The following ME1 variants were observed in gnomAD, a reference collection of about 807,000 sequenced individuals.
ME1 encodes the protein malic enzyme 1, also known as NADP-dependent malic enzyme.
ME1 carries 74 observed loss-of-function variants against 66.4 expected under a neutral mutation model. The ratio of observed to expected loss-of-function variants is 1.11; its 90% confidence interval spans 0.92 to 1.35. ME1 has a LOEUF of 1.35. Ranked by LOEUF, ME1 falls within the 40% of genes most tolerant of loss-of-function variation. The probability of loss-of-function intolerance (pLI) is 0.00; values close to 1 mark genes in which losing one functional copy is unlikely to be tolerated. For missense variants in ME1, 750 were observed against 694.1 expected, an observed-to-expected ratio of 1.08 and a Z score of -0.90; for synonymous variants, 251 against 235.6, an observed-to-expected ratio of 1.07 and a Z score of -0.60.
intron 3 of ME1, among the ~76,000 whole-genome samples, chr6:83,380,882 G>A (rs1769382459): frequency 6.6e-6 from 1 of 152,080 alleles, no homozygotes; most frequent in African/African-American, 2.4e-5. Flanking sequence ...ACCTTGGCAA[G>A]AACCAACATT....
At chr6:83,317,171 TG>T (rs1768052100) in intron 5 of ME1, among the ~76,000 whole-genome samples, 1 of 152,194 alleles carries the variant, frequency 6.6e-6, no homozygotes, top group Non-Finnish European at 1.5e-5. Flanking sequence ...CAGGACTTGC[TG>T]GTAAAAGATG....
intron 6 of ME1, among the ~76,000 whole-genome samples, chr6:83,274,536 T>C (rs1174544617): frequency 6.6e-6 from 1 of 152,252 alleles, no homozygotes; most frequent in Non-Finnish European, 1.5e-5. Flanking sequence ...TCAGTTCTTC[T>C]ATTTAGTATC....
intron 6 of ME1, among the ~76,000 whole-genome samples, chr6:83,273,468 C>T (rs753837519): frequency 1.3e-5 from 2 of 152,022 alleles, no homozygotes; most frequent in Non-Finnish European, 2.9e-5. Flanking sequence ...TTAAAAGGTT[C>T]TAAAACAATC....
chr6:83,227,202 G>C (rs980883970), intron 11 of ME1, 133 bp downstream of exon 11: 2 of 467,574 alleles, frequency 4.3e-6, no homozygotes, highest in Non-Finnish European at 7.1e-6. Flanking sequence ...TTATCCCTCT[G>C]ATTTGTGTGC....
At chr6:83,430,040 T>C (rs1439226559) in intron 1 of ME1, among the ~76,000 whole-genome samples, 1 of 152,140 alleles carries the variant, frequency 6.6e-6, no homozygotes, top group African/African-American at 2.4e-5. Context: ...CGAGTGCTTA[T>C]ATTGCATCAC....
At chr6:83,349,908 A>T (rs1165414692) in intron 4 of ME1, among the ~76,000 whole-genome samples, 1 of 152,178 alleles carries the variant, frequency 6.6e-6, no homozygotes, top group African/African-American at 2.4e-5. Context: ...TGATATCTAC[A>T]TTCACCTGTT....
At chr6:83,417,189 A>C (rs944557751) in intron 1 of ME1, among the ~76,000 whole-genome samples, 5 of 152,052 alleles carry the variant, frequency 3.3e-5, no homozygotes, top group African/African-American at 1.2e-4. Context: ...AGCTGGAACT[A>C]TACGCATACA....
chr6:83,227,914 A>C (rs1407115060), intron 10 of ME1, among the ~76,000 whole-genome samples: 4 of 152,242 alleles, frequency 2.6e-5, no homozygotes, highest in Non-Finnish European at 4.4e-5. Flanking sequence ...CACCCACTGA[A>C]GTAACTTTAA....
chr6:83,388,234 G>A (rs572871344), intron 3 of ME1, among the ~76,000 whole-genome samples: 10 of 151,732 alleles, frequency 6.6e-5, no homozygotes, highest in Admixed American at 5.3e-4. Context: ...ACTATAGCAC[G>A]CACCACCACA....
chr6:83,327,263 A>C (rs985325090), intron 5 of ME1, among the ~76,000 whole-genome samples: 1 of 152,208 alleles, frequency 6.6e-6, no homozygotes, highest in Non-Finnish European at 1.5e-5. Flanking sequence ...ACCTTGAAAA[A>C]AGAACAGGAT....
At chr6:83,328,397 G>A (rs1358027733) in intron 5 of ME1, among the ~76,000 whole-genome samples, 1 of 151,992 alleles carries the variant, frequency 6.6e-6, no homozygotes, top group African/African-American at 2.4e-5. Context: ...AAACCACCAT[G>A]GCACATGTAT....
chr6:83,329,732 T>G (rs1383398145), intron 5 of ME1, among the ~76,000 whole-genome samples: 2 of 152,230 alleles, frequency 1.3e-5, no homozygotes, highest in African/African-American at 4.8e-5. Context: ...TTGTAAATTA[T>G]CTGTGTCCAT....
intron 1 of ME1, among the ~76,000 whole-genome samples, chr6:83,417,813 AT>A (rs1396129129): frequency 6.6e-6 from 1 of 152,260 alleles, no homozygotes; most frequent in Admixed American, 6.5e-5. Context: ...TGAGTCTTCA[AT>A]AAAGAGGAAT....
intron 6 of ME1, among the ~76,000 whole-genome samples, chr6:83,299,742 A>G (rs1767677971): frequency 6.6e-6 from 1 of 152,188 alleles, no homozygotes; most frequent in Non-Finnish European, 1.5e-5. Flanking sequence ...TGGGTCTGTC[A>G]TAAATGGCTC....
chr6:83,311,888 G>A (rs926639330), intron 6 of ME1, among the ~76,000 whole-genome samples: 1 of 151,972 alleles, frequency 6.6e-6, no homozygotes, highest in African/African-American at 2.4e-5. Flanking sequence ...CATCCCTAGA[G>A]GCAAAACGGA....
At chr6:83,298,958 T>G (rs1412727354) in intron 6 of ME1, among the ~76,000 whole-genome samples, 3 of 102,516 alleles carry the variant, frequency 2.9e-5, no homozygotes, top group Non-Finnish European at 6.4e-5. Flanking sequence ...TTTTTTTTTT[T>G]TTTTTTTTTT....
intron 6 of ME1, among the ~76,000 whole-genome samples, chr6:83,295,765 T>C (rs1767586190): frequency 6.6e-6 from 1 of 152,062 alleles, no homozygotes; most frequent in Non-Finnish European, 1.5e-5. Flanking sequence ...TAAGATAGGC[T>C]GCTATCTAGA....
chr6:83,375,136 T>C (rs1769262596), intron 3 of ME1, among the ~76,000 whole-genome samples: 1 of 152,212 alleles, frequency 6.6e-6, no homozygotes, highest in African/African-American at 2.4e-5. Flanking sequence ...GTGAAGAATG[T>C]CAATGGTAGT....
chr6:83,383,258 C>G (rs1002624565), intron 3 of ME1, among the ~76,000 whole-genome samples: 1 of 151,828 alleles, frequency 6.6e-6, no homozygotes, highest in Non-Finnish European at 1.5e-5. Flanking sequence ...CACTTACTAT[C>G]TGGTGATACT....
Sources: gnomAD v4.1 joint callset for allele counts (sites outside exome capture counted in the v4.1 genomes callset) on GRCh38, gnomAD v4.1.1 for gene constraint, MANE v1.5 for transcripts, NCBI Gene and HGNC (gene_info 2026-07-23, HGNC 2026-07-21) for gene names.